The following ZNF300 variants were observed in gnomAD, a reference collection of about 807,000 sequenced individuals.
ZNF300 encodes kruppel-like zinc finger protein.
A neutral mutation model predicts 13.9 loss-of-function variants in ZNF300; 6 were observed. The ratio of observed to expected loss-of-function variants is 0.43; its 90% confidence interval spans 0.24 to 0.85. The LOEUF is 0.85. Among genes scored for constraint, ZNF300 ranks in the 40% least tolerant of loss-of-function variants. The pLI, the probability that ZNF300 is intolerant of heterozygous loss-of-function variation, is 0.25. For missense variants in ZNF300, 662 were observed against 714.2 expected, an observed-to-expected ratio of 0.93 and a Z score of 0.83; for synonymous variants, 237 against 242.2, an observed-to-expected ratio of 0.98 and a Z score of 0.20.
chr5:150,904,029 T>A (rs532724161), intron 1 of ZNF300, 52 bp from the exon 2 acceptor site: 1 of 152,324 alleles, frequency 6.6e-6, no homozygotes, highest in African/African-American at 2.4e-5. Flanking sequence ...ATCCCGCAGA[T>A]GCTCAATAAA....
At chr5:150,897,352 GTATCTT>G (rs983855309) in intron 5 of ZNF300, 3 of 166,060 alleles carry the variant, frequency 1.8e-5, no homozygotes, top group African/African-American at 7.2e-5. Context: ...AAAAAACAAG[GTATCTT>G]CTGTATGCAA....
intron 1 of ZNF300, 130 bp downstream of exon 1, chr5:150,904,574 A>C (rs1337855231): frequency 6.6e-6 from 1 of 152,192 alleles, no homozygotes; most frequent in Non-Finnish European, 1.5e-5. Context: ...CCCTGTTACT[A>C]ATCACATCTC....
chr5:150,903,111 A>AT, intron 3 of ZNF300, 30 bp downstream of exon 3: 1 of 1,506,428 alleles, frequency 6.6e-7, no homozygotes, highest in East Asian at 2.4e-5. Context: ...ACCAAAGAAG[A>AT]ATTTTTTTTT....
At position 150,895,742 on chromosome 5, in the gene ZNF300, G is replaced by A. The variant is rs761088016; in HGVS notation, c.1497C>T (p.Gly499=). ...GATGTGACTTCTGGCAGAAGGCTTT[G>A]CCACATTCACTACATTTATAGGGTT... is the stretch of plus-strand genomic sequence containing the variant. ...GEKPYKCSEC[G]KAFCQKSHLI... The change falls in exon 6 of 6, where the codon GGC becomes GGT. Residue 499 remains glycine (G), a synonymous_variant. Coordinates refer to ENST00000274599, the MANE Select transcript of ZNF300 (RefSeq NM_052860.4). The A allele has an allele frequency of 6.2e-7, 1 of 1,613,430 alleles. No individual in the cohort carries two copies. The highest frequency in any genetic ancestry group is 1.7e-4 in the Middle Eastern group (1 of 6,054).
Position 150,897,268 on chromosome 5 carries a change from C to A in ZNF300, c.266-295G>T, listed in dbSNP as rs550038581. On this transcript the variant is annotated intron_variant, in intron 5 of 5. Coordinates refer to ENST00000274599, the MANE Select transcript of ZNF300 (RefSeq NM_052860.4). ...TTCACTTCTGCTTTCTGAATAGAAA[C>A]CCCTTTTCACCTTTTAATTTCATTT... is the stretch of plus-strand genomic sequence containing the variant. 16 of 279,910 alleles carry A rather than the reference C, an allele frequency of 5.7e-5. No individual in the cohort carries two copies. In the South Asian group the frequency reaches 1.7e-3, roughly 30 times the overall value. The allele number at this position is 279,910 out of a possible 1,614,324, so 17.3% of individuals were successfully genotyped here.
chr5:150,902,318 G>T (rs541412320), intron 3 of ZNF300, among the ~76,000 whole-genome samples: 1 of 152,232 alleles, frequency 6.6e-6, no homozygotes, highest in African/African-American at 2.4e-5. Context: ...AGATTTGCCA[G>T]ATAAATATAA....
chr5:150,899,027 TC>T (rs1754901664), intron 3 of ZNF300, among the ~76,000 whole-genome samples: 1 of 151,820 alleles, frequency 6.6e-6, no homozygotes, highest in South Asian at 2.1e-4. Flanking sequence ...TGTGTCCTCA[TC>T]CAAAGGGGGA....
Position 150,896,395 on chromosome 5 carries a change from ACTT to A in ZNF300, c.841_843del (p.Lys281del). 1 of 1,613,654 alleles carries A rather than the reference ACTT, an allele frequency of 6.2e-7. No homozygotes were observed. Among genetic ancestry groups the A allele is most frequent in the Middle Eastern group, 1.7e-4 (1 of 6,052 alleles). On this transcript the variant is annotated inframe_deletion, in exon 6 of 6. Transcript: ENST00000274599. ...ATTCTTTGATGTACAATGAGTTGTG[ACTT>A]CTTAGCAAAGGCTTTTCCACATGTA...
At position 150,895,607 on chromosome 5, in the gene ZNF300, T is replaced by C. The variant is rs1754728972; in HGVS notation, c.1632A>G (p.Thr544=). The C allele has an allele frequency of 1.9e-6, 3 of 1,613,380 alleles. No homozygotes were observed. Among genetic ancestry groups the C allele is most frequent in the Non-Finnish European group, 2.5e-6 (3 of 1,179,636 alleles). The change falls in exon 6 of 6, where the codon ACA becomes ACG. Residue 544 remains threonine, a synonymous_variant. Coordinates refer to ENST00000274599, the MANE Select transcript of ZNF300 (RefSeq NM_052860.4). ...SHLPGHQRIH[T]GEKPYICAEC... Reference sequence around the variant, plus strand: ...CAGCACATATGTAAGGTTTCTCTCCTGTATGAATTCGCTGGTGTCCCGGAA... The same window carrying C: ...CAGCACATATGTAAGGTTTCTCTCCCGTATGAATTCGCTGGTGTCCCGGAA...
rs368281057 is a variant in ZNF300 at position 150,903,176 on chromosome 5, C to T, written c.-21G>A. ...ATCATTTTTTGCTCTTCCAAAAGGCCAGATGACTGAAAAAGCAAAACTGGT... is the reference window on the plus strand; with the variant it reads ...ATCATTTTTTGCTCTTCCAAAAGGCTAGATGACTGAAAAAGCAAAACTGGT... On this transcript the variant is annotated 5_prime_UTR_variant, in exon 3 of 6. The change creates a premature stop within an existing upstream ORF in the 5' untranslated region. Transcript: ENST00000274599. 97 of 1,613,668 alleles carry T rather than the reference C, an allele frequency of 6.0e-5. No homozygotes were observed. The highest frequency in any genetic ancestry group is 7.9e-5 in the Non-Finnish European group (93 of 1,179,932).
intron 1 of ZNF300, 104 bp downstream of exon 1, chr5:150,904,600 T>C (rs1190606579): frequency 1.3e-5 from 2 of 152,346 alleles, no homozygotes; most frequent in Non-Finnish European, 2.9e-5. Flanking sequence ...CCCACATAAA[T>C]CCAACATTAA....
At position 150,895,603 on chromosome 5, in the gene ZNF300, C is replaced by T; in HGVS notation, c.1636G>A (p.Glu546Lys). 1 of 1,613,440 alleles carries T rather than the reference C, an allele frequency of 6.2e-7. No individual in the cohort carries two copies. Among genetic ancestry groups the T allele is most frequent in the Non-Finnish European group, 8.5e-7 (1 of 1,179,684 alleles). ...CATTCAGCACATATGTAAGGTTTCT[C>T]TCCTGTATGAATTCGCTGGTGTCCC... Reference protein sequence around the residue: ...LPGHQRIHTGEKPYICAECGK... With the variant: ...LPGHQRIHTGKKPYICAECGK... Residue 546 changes from glutamate (E) to lysine (K), a missense_variant, in exon 6 of 6, where the codon GAG (glutamate) becomes AAG (lysine). Transcript: ENST00000274599.
chr5:150,896,110 C>T lies in ZNF300; in HGVS notation c.1129G>A (p.Gly377Arg). The change falls in exon 6 of 6, where the codon GGG becomes AGG. Residue 377 changes from glycine (G) to arginine (R), a missense_variant. Coordinates refer to ENST00000274599, the MANE Select transcript of ZNF300 (RefSeq NM_052860.4). ...PLIIHQRIHT[G>R]EKPYECRECG... ...TCTCTACATTCATAGGGTTTTTCCC[C>T]AGTATGTATTCTCTGATGTATAATG... 1 of 1,613,376 alleles carries T rather than the reference C, an allele frequency of 6.2e-7. No individual in the cohort carries two copies. Among genetic ancestry groups the T allele is most frequent in the African/African-American group, 1.3e-5 (1 of 74,984 alleles).
At position 150,896,023 on chromosome 5, in the gene ZNF300, C is replaced by G; in HGVS notation, c.1216G>C (p.Glu406Gln). Residue 406 changes from glutamate (E) to glutamine (Q), a missense_variant, in exon 6 of 6, where the codon GAG becomes CAG. Transcript: ENST00000274599. ...CATTCGGTACACTCATACGGCTTCTCTCCAGTATGAGCTCTGTGGTGTATA... is the reference window on the plus strand; with the variant it reads ...CATTCGGTACACTCATACGGCTTCTGTCCAGTATGAGCTCTGTGGTGTATA... The part of the protein sequence containing the change: ...LIIHHRAHTG[E>Q]KPYECTECGK... The G allele has an allele frequency of 2.5e-6, 4 of 1,613,516 alleles. No homozygotes were observed. Among genetic ancestry groups the G allele is most frequent in the Non-Finnish European group, 3.4e-6 (4 of 1,179,760 alleles).
intron 5 of ZNF300, 39 bp downstream of exon 5, chr5:150,898,023 C>A (rs1754855187): frequency 1.3e-6 from 2 of 1,594,242 alleles, no homozygotes; most frequent in Non-Finnish European, 1.7e-6. Context: ...ACCTCAGGCA[C>A]CAATCAATTA....
At chr5:150,902,930 T>C (rs771175784) in intron 3 of ZNF300, among the ~76,000 whole-genome samples, 1 of 152,208 alleles carries the variant, frequency 6.6e-6, no homozygotes, top group Non-Finnish European at 1.5e-5. Flanking sequence ...TAACTCATGA[T>C]GTCTGCAAGT....
chr5:150,895,393 C>A lies in ZNF300; in HGVS notation c.*31G>T, dbSNP rs1466204824. 2 of 1,496,532 alleles carry A rather than the reference C, an allele frequency of 1.3e-6. No homozygotes were observed. The highest frequency in any genetic ancestry group is 1.4e-5 in the African/African-American group (1 of 71,556). 92.7% of individuals were successfully genotyped at this position (1,496,532 alleles called of 1,614,324 possible). ...TTTCTAGTAATTATTAAGGCTTGAG[C>A]TAATACTAAGGCTTTTCTGTGGCCA... On this transcript the variant is annotated 3_prime_UTR_variant, in exon 6 of 6. Coordinates refer to ENST00000274599, the MANE Select transcript of ZNF300 (RefSeq NM_052860.4).
At chr5:150,903,467 C>T (rs1429310075) in intron 2 of ZNF300, 1 of 1,064,644 alleles carries the variant, frequency 9.4e-7, no homozygotes, top group Admixed American at 2.0e-5. Flanking sequence ...TTACTAACAA[C>T]TTACTGTTCC....
In ZNF300 at chr5:150,895,392, G is replaced by T; in HGVS notation, c.*32C>A. 1 of 1,489,242 alleles carries T rather than the reference G, an allele frequency of 6.7e-7. No individual in the cohort carries two copies. Among genetic ancestry groups the T allele is most frequent in the Non-Finnish European group, 9.1e-7 (1 of 1,099,254 alleles). 92.3% of individuals were successfully genotyped at this position (1,489,242 alleles called of 1,614,324 possible). ...GTTTCTAGTAATTATTAAGGCTTGA[G>T]CTAATACTAAGGCTTTTCTGTGGCC... On this transcript the variant is annotated 3_prime_UTR_variant, in exon 6 of 6. Transcript: ENST00000274599.
Sources: allele counts gnomAD v4.1 joint callset (sites outside exome capture counted in the v4.1 genomes callset), GRCh38; gene constraint gnomAD v4.1.1; transcripts MANE v1.5; gene names NCBI Gene and HGNC (gene_info 2026-07-23, HGNC 2026-07-21).